SHROOM3: variants seen among roughly 807,000 people sequenced by gnomAD.
SHROOM3 encodes protein Shroom3.
Under a neutral mutation model 138.6 loss-of-function variants are expected in SHROOM3, and 47 were observed. The ratio of observed to expected loss-of-function variants is 0.34; its 90% CI spans 0.27 to 0.43. The LOEUF is 0.43. Among genes scored for constraint, SHROOM3 ranks in the 20% least tolerant of loss-of-function variants. SHROOM3 has a pLI of 1.00. For synonymous variants in SHROOM3, 1,062 were observed against 1,063.3 expected (o/e 1.00, Z 0.02); for missense variants, 2,491 against 2,596.5 (o/e 0.96, Z 0.88).
chr4:76,539,269 A>C (rs1214780649), intron 1 of SHROOM3, among the ~76,000 whole-genome samples: 1 of 152,010 alleles, frequency 6.6e-6, no homozygotes, highest in Non-Finnish European at 1.5e-5. Flanking sequence ...CTTCACCTTT[A>C]TGTTAATGTT....
intron 2 of SHROOM3, among the ~76,000 whole-genome samples, chr4:76,564,943 T>A (rs2110034674): frequency 6.6e-6 from 1 of 151,942 alleles, no homozygotes; most frequent in South Asian, 2.1e-4. Context: ...TGGCAGATTA[T>A]GAGGTCAGGA....
At chr4:76,616,265 C>A (rs561919694) in intron 2 of SHROOM3, among the ~76,000 whole-genome samples, 1 of 152,196 alleles carries the variant, frequency 6.6e-6, no homozygotes, top group East Asian at 1.9e-4. Context: ...TGGACCAACC[C>A]TCATGCATTT....
intron 9 of SHROOM3, among the ~76,000 whole-genome samples, chr4:76,761,094 A>G (rs763224119): frequency 4.6e-5 from 7 of 152,048 alleles, no homozygotes; most frequent in Non-Finnish European, 8.8e-5. Flanking sequence ...GGTATATTGC[A>G]TGATCCTGAG....
At position 76,779,030 on chromosome 4, in the gene SHROOM3, G is replaced by T; in HGVS notation, c.5844G>T (p.Gln1948His). Reference protein sequence around the residue: ...LDDKIKLGQEQVKCLLESLPS... With the variant: ...LDDKIKLGQEHVKCLLESLPS... ...ACAAGATCAAGCTGGGCCAGGAGCA[G>T]GTCAAGTGTCTGCTGGAGAGCCTGC... Residue 1948 changes from glutamine (Q) to histidine (H), a missense_variant, in exon 11 of 11, where the codon CAG (glutamine) becomes CAT (histidine). Physicochemically the swap from Gln to His is conservative, Grantham distance 24 (BLOSUM62 0). Transcript: ENST00000296043. The T allele has an allele frequency of 6.2e-7, 1 of 1,614,228 alleles. No individual in the cohort carries two copies. The highest frequency in any genetic ancestry group is 8.5e-7 in the Non-Finnish European group (1 of 1,180,048).
chr4:76,437,157 G>C (rs1196886706), intron 1 of SHROOM3, among the ~76,000 whole-genome samples: 1 of 152,156 alleles, frequency 6.6e-6, no homozygotes, highest in Non-Finnish European at 1.5e-5. Flanking sequence ...AATTCTTACT[G>C]TGGATGAGCC....
chr4:76,441,392 C>A (rs1730679986), intron 1 of SHROOM3, among the ~76,000 whole-genome samples: 1 of 152,008 alleles, frequency 6.6e-6, no homozygotes, highest in South Asian at 2.1e-4. Context: ...CGCGCCCAGC[C>A]CCTGAGTTCA....
intron 3 of SHROOM3, among the ~76,000 whole-genome samples, chr4:76,724,132 T>G (rs1415949243): frequency 6.6e-6 from 1 of 152,232 alleles, no homozygotes; most frequent in Non-Finnish European, 1.5e-5. Context: ...GAATTCCAGT[T>G]TCATCAGCCT....
chr4:76,778,959 G>A lies in SHROOM3; in HGVS notation c.5773G>A (p.Val1925Met), dbSNP rs1354812155. 3 of 1,613,936 alleles carry A rather than the reference G, an allele frequency of 1.9e-6. No homozygotes were observed. The highest frequency in any genetic ancestry group is 1.3e-5 in the African/African-American group (1 of 74,916). ...GCAGCTCCAGGACTACCAGCACTTC[G>A]TGAAAATGAAGTCCACGCTCCTCAT... Reference protein sequence around the residue: ...EEQLQDYQHFVKMKSTLLIEQ... With the variant: ...EEQLQDYQHFMKMKSTLLIEQ... Residue 1925 changes from valine to methionine, a missense_variant, in exon 11 of 11, where the codon GTG becomes ATG. This residue lies in a region of SHROOM3 where 470 missense variants were observed against 595.0 expected (regional missense o/e 0.79). Coordinates refer to ENST00000296043, the MANE Select transcript of SHROOM3 (RefSeq NM_020859.4).
At chr4:76,629,610 A>G (rs544384475) in intron 2 of SHROOM3, among the ~76,000 whole-genome samples, 1 of 152,266 alleles carries the variant, frequency 6.6e-6, no homozygotes, top group African/African-American at 2.4e-5. Context: ...GGTGACTTGG[A>G]CCTGGATCAT....
At chr4:76,630,603 C>T (rs943920111) in intron 2 of SHROOM3, among the ~76,000 whole-genome samples, 2 of 152,042 alleles carry the variant, frequency 1.3e-5, no homozygotes, top group African/African-American at 4.8e-5. Context: ...GAAGCTGGGA[C>T]ATGGGGAAAT....
At chr4:76,769,484 T>A (rs1289134595) in intron 9 of SHROOM3, among the ~76,000 whole-genome samples, 1 of 152,224 alleles carries the variant, frequency 6.6e-6, no homozygotes, top group Non-Finnish European at 1.5e-5. Context: ...TATAAATGAA[T>A]TCAAACTAGA....
rs113222367 is a variant in SHROOM3, at chr4:76,740,752, G to A, written c.2579G>A (p.Arg860Gln). 4 of 1,612,874 alleles carry A rather than the reference G, an allele frequency of 2.5e-6. No individual in the cohort carries two copies. The highest frequency in any genetic ancestry group is 2.7e-5 in the African/African-American group (2 of 74,930). Residue 860 changes from arginine to glutamine, a missense_variant, in exon 5 of 11, where the codon CGG becomes CAG. By Grantham distance (43) the Arg-to-Gln change is conservative. Around this residue, in one of 4 missense-constraint regions of SHROOM3, gnomAD observed 1,733 missense variants for 1,661.6 expected, o/e 1.04. Transcript: ENST00000296043. This position sits in a 1 kb window ranked among gnomAD's most constrained non-coding sequence, Gnocchi z 4.0. Reference protein sequence around the residue: ...NGELKLEEASRQPCGQQLSGG... With the variant: ...NGELKLEEASQQPCGQQLSGG... ...GAGCTGAAGTTGGAAGAGGCTTCCC[G>A]GCAGCCCTGCGGTCAGCAGCTGAGC...
chr4:76,778,656 C>T (rs534579703), intron 10 of SHROOM3, among the ~76,000 whole-genome samples, 153 bp from the exon 11 acceptor site: 1 of 152,064 alleles, frequency 6.6e-6, no homozygotes, highest in South Asian at 2.1e-4. Flanking sequence ...TAAGGATAAT[C>T]TGATTTTCAA....
intron 2 of SHROOM3, among the ~76,000 whole-genome samples, chr4:76,589,484 GAAAA>G (rs1395274493): frequency 8.1e-6 from 1 of 123,608 alleles, no homozygotes; most frequent in Non-Finnish European, 1.7e-5. Context: ...AAAAAAAAAA[GAAAA>G]AAGACTCCTG....
At chr4:76,757,092 G>A in intron 8 of SHROOM3, 155 bp downstream of exon 8, 2 of 1,187,030 alleles carry the variant, frequency 1.7e-6, no homozygotes, top group East Asian at 5.0e-5. Context: ...AATGGCTCTG[G>A]CAGTGAGGAT....
chr4:76,481,297 A>G (rs1731603716), intron 1 of SHROOM3, among the ~76,000 whole-genome samples: 1 of 152,210 alleles, frequency 6.6e-6, no homozygotes, highest in African/African-American at 2.4e-5. Flanking sequence ...TAAAGGGGAT[A>G]TCACCAGTGA....
Position 76,574,692 on chromosome 4 carries a change from A to T in SHROOM3, c.323+18929A>T, listed in dbSNP as rs187719205. 3.1e-4 allele frequency among the ~76,000 whole-genome samples: 47 copies of T among 152,360 alleles called. No individual in the cohort carries two copies. In the East Asian group the frequency reaches 7.3e-3, roughly 24 times the overall value. On this transcript the variant is annotated intron_variant, in intron 2 of 10. Coordinates refer to ENST00000296043, the MANE Select transcript of SHROOM3 (RefSeq NM_020859.4). The stretch of plus-strand genomic sequence containing the variant: ...GCTACAACATGGATGAACCCTAAGG[A>T]CATTATGCTAAGTGAAATAAGCCAG...
chr4:76,714,288 T>A (rs1011733661), intron 3 of SHROOM3, among the ~76,000 whole-genome samples: 4 of 152,232 alleles, frequency 2.6e-5, no homozygotes, highest in Non-Finnish European at 4.4e-5. Flanking sequence ...TCCCTTAGCC[T>A]CCTCTGATCT....
chr4:76,770,119 T>C (rs1007907701), intron 9 of SHROOM3, among the ~76,000 whole-genome samples: 9 of 151,946 alleles, frequency 5.9e-5, no homozygotes, highest in African/African-American at 1.9e-4. Flanking sequence ...GGTTAGGAGT[T>C]CGAGACCAGT....
Sources: gnomAD v4.1 joint callset for allele counts (sites outside exome capture counted in the v4.1 genomes callset) on GRCh38, gnomAD v4.1.1 for gene constraint, gnomAD v4.1.1 regional missense constraint, Gnocchi (gnomAD v3.1) non-coding constraint, MANE v1.5 for transcripts, NCBI Gene and HGNC (gene_info 2026-07-23, HGNC 2026-07-21) for gene names.